INO80C: variants seen among roughly 807,000 people sequenced by gnomAD.
The protein encoded by INO80C is INO80 complex subunit C.
A neutral mutation model predicts 17.7 loss-of-function variants in INO80C; 17 were observed. The ratio of observed to expected loss-of-function variants is 0.96; its 90% CI spans 0.66 to 1.44. The LOEUF is 1.44. Among genes scored for constraint, INO80C ranks in the 40% most tolerant of loss-of-function variants. The pLI is 0.00. For synonymous variants in INO80C, 96 were observed against 95.8 expected (o/e 1.00, Z -0.01); for missense variants, 244 against 245.0 (o/e 1.00, Z 0.03).
chr18:35,483,506 G>A (rs897266905), intron 1 of INO80C: 8 of 152,286 alleles, frequency 5.3e-5, no homozygotes, highest in African/African-American at 1.9e-4. Flanking sequence ...TTCAGAGAGT[G>A]AGGATACACA....
intron 1 of INO80C, among the ~76,000 whole-genome samples, chr18:35,481,164 A>G (rs941653783): frequency 2.0e-5 from 3 of 152,232 alleles, no homozygotes; most frequent in Non-Finnish European, 4.4e-5. Flanking sequence ...CAAGGAAGGA[A>G]AACGGAAAAA....
At chr18:35,474,219 A>C in intron 4 of INO80C, among the ~76,000 whole-genome samples, 1 of 116,874 alleles carries the variant, frequency 8.6e-6, no homozygotes, top group East Asian at 2.1e-4. Context: ...ATATATATAT[A>C]TATATATATA....
rs8096991 is a variant in INO80C, at chr18:35,488,218, C to T, written c.157-7655G>A. On this transcript the variant is annotated intron_variant, in intron 1 of 4. Transcript: ENST00000334598. ...GACGGTGGCTCTCTTCTCACAGCTC[C>T]GCTAGGCAGTTTCCCAGTGGGGACT... is the stretch of plus-strand genomic sequence containing the variant. Among the ~76,000 whole-genome samples the T allele has an allele frequency of 6.0e-3, 907 of 152,304 alleles. 7 individuals are homozygous for T. Among genetic ancestry groups the T allele is most frequent in the South Asian group, 0.029 (140 of 4,830 alleles).
At chr18:35,496,004 C>T (rs578224439) in intron 1 of INO80C, among the ~76,000 whole-genome samples, 2 of 152,288 alleles carry the variant, frequency 1.3e-5, no homozygotes, top group East Asian at 3.9e-4. Context: ...CAATGAAAGA[C>T]TGACAATACT....
At chr18:35,487,143 C>T (rs1427249055) in intron 1 of INO80C, among the ~76,000 whole-genome samples, 1 of 152,208 alleles carries the variant, frequency 6.6e-6, no homozygotes, top group African/African-American at 2.4e-5. Flanking sequence ...AATTTGACAT[C>T]AAGTGCCACA....
intron 1 of INO80C, among the ~76,000 whole-genome samples, chr18:35,496,541 G>A (rs1373435160): frequency 1.3e-5 from 2 of 152,270 alleles, no homozygotes; most frequent in East Asian, 1.9e-4. Context: ...ATGTAAAAGG[G>A]CACTGGATCT....
At chr18:35,485,440 C>T (rs937351665) in intron 1 of INO80C, among the ~76,000 whole-genome samples, 9 of 152,024 alleles carry the variant, frequency 5.9e-5, no homozygotes, top group Admixed American at 6.6e-5. Context: ...CCAGTAAGCA[C>T]GTGAAAAGAT....
intron 4 of INO80C, among the ~76,000 whole-genome samples, chr18:35,477,887 A>G (rs1164399571): frequency 1.3e-5 from 2 of 152,384 alleles, no homozygotes; most frequent in South Asian, 2.1e-4. Flanking sequence ...ATGCTTAAAA[A>G]TAAGTTTGAA....
intron 4 of INO80C, among the ~76,000 whole-genome samples, chr18:35,474,708 A>T (rs1452719856): frequency 6.6e-6 from 1 of 152,180 alleles, no homozygotes; most frequent in Non-Finnish European, 1.5e-5. Flanking sequence ...ATAATTTAAA[A>T]GAAAGTTATT....
chr18:35,479,029 G>C (rs1799367120), intron 3 of INO80C: 1 of 288,504 alleles, frequency 3.5e-6, no homozygotes. Context: ...TTTTGAATAA[G>C]AAGTTTGTCT....
Position 35,470,362 on chromosome 18 carries a change from C to T in INO80C, c.448-1620G>A, listed in dbSNP as rs1011077627. Among the ~76,000 whole-genome samples the T allele has an allele frequency of 3.1e-5, 4 of 129,448 alleles. No homozygotes were observed. The South Asian group carries it at 7.1e-4, about 23-fold the overall frequency. The allele number at this position is 129,448 out of a possible 152,430, so 84.9% of individuals were successfully genotyped here. A position where few individuals can be genotyped will look rare whatever the true frequency, so the allele number is the denominator to read the frequency against. ...TAACTAATGGCTCTATATAAAACTT[C>T]GATCCCTTGGCTTGATCTAGATGTT... On this transcript the variant is annotated intron_variant, in intron 4 of 4. Transcript: ENST00000334598.
intron 4 of INO80C, among the ~76,000 whole-genome samples, chr18:35,472,025 CAA>C (rs1466156195): frequency 6.6e-6 from 1 of 152,152 alleles, no homozygotes; most frequent in Middle Eastern, 3.2e-3. Flanking sequence ...GGGTTGGCTC[CAA>C]GTCTTTGCTA....
At chr18:35,487,140 C>T (rs1187097536) in intron 1 of INO80C, among the ~76,000 whole-genome samples, 3 of 152,180 alleles carry the variant, frequency 2.0e-5, no homozygotes, top group African/African-American at 7.2e-5. Flanking sequence ...AGTAATTTGA[C>T]ATCAAGTGCC....
rs1382852524 is a variant in INO80C at position 35,488,379 on chromosome 18, G to A, written c.157-7816C>T. Among the ~76,000 whole-genome samples the A allele has an allele frequency of 2.6e-5, 4 of 152,222 alleles. 1 individual carries two copies. In the East Asian group the frequency reaches 5.8e-4, roughly 22 times the overall value. On this transcript the variant is annotated intron_variant, in intron 1 of 4. Coordinates refer to ENST00000334598, the MANE Select transcript of INO80C (RefSeq NM_194281.4). ...ATACATCCTCTGAAATGTAGGTGGA[G>A]GTTCCCAAACCTCAATTCTTGACTT...
At chr18:35,487,464 A>T (rs1270239463) in intron 1 of INO80C, 1 of 302,156 alleles carries the variant, frequency 3.3e-6, no homozygotes, top group Admixed American at 4.1e-5. Context: ...GGCAAGAGAG[A>T]GAATGAAAGC....
intron 4 of INO80C, among the ~76,000 whole-genome samples, chr18:35,470,396 GTAC>G (rs1203422637): frequency 1.3e-5 from 2 of 152,118 alleles, no homozygotes; most frequent in African/African-American, 4.8e-5. Context: ...TTACCTTTCT[GTAC>G]TACATTTCCT....
intron 1 of INO80C, among the ~76,000 whole-genome samples, chr18:35,492,609 T>C (rs355326): frequency 0.75 from 114,269 of 152,102 alleles, 43,108 homozygotes; most frequent in East Asian, 0.98. Flanking sequence ...TCAGGATTTG[T>C]TGAATTTTTA....
In INO80C at chr18:35,480,571, CAT is replaced by C; in HGVS notation, c.157-10_157-9del. 6.3e-7 allele frequency: 1 copy of C among 1,592,922 alleles called. No homozygotes were observed. The highest frequency in any genetic ancestry group is 8.6e-7 in the Non-Finnish European group (1 of 1,160,678). ...GGCTTCCATGCTGATACCCTTAAAA[CAT>C]AATAAAAATAGTTTGAAGAAGTCAG... is the stretch of plus-strand genomic sequence containing the variant. On this transcript the variant is annotated splice_polypyrimidine_tract_variant and intron_variant, in intron 1 of 4. Coordinates refer to ENST00000334598, the MANE Select transcript of INO80C (RefSeq NM_194281.4).
intron 1 of INO80C, chr18:35,487,668 G>A (rs111986948): frequency 0.016 from 2,456 of 156,532 alleles, 26 homozygotes; most frequent in Non-Finnish European, 0.023. Flanking sequence ...CTATCATTCC[G>A]CCCCCGGCCC....
Sources: gnomAD v4.1 joint callset for allele counts (sites outside exome capture counted in the v4.1 genomes callset) on GRCh38, gnomAD v4.1.1 for gene constraint, MANE v1.5 for transcripts, NCBI Gene and HGNC (gene_info 2026-07-23, HGNC 2026-07-21) for gene names.